The following CPED1 variants were observed in gnomAD, a reference collection of about 807,000 sequenced individuals.
The protein encoded by CPED1 is cadherin like and PC-esterase domain containing 1, also known as cadherin-like and PC-esterase domain-containing protein 1.
CPED1 carries 114 observed loss-of-function variants against 128.2 expected under a neutral mutation model. That is an observed-to-expected ratio of 0.89 (90% confidence interval 0.76 to 1.04). The LOEUF (loss-of-function observed/expected upper bound fraction) is 1.04. CPED1 is among the 50% of genes least tolerant of loss of function. The pLI, the probability that CPED1 is intolerant of heterozygous loss-of-function variation, is 0.00. For synonymous variants in CPED1, 462 were observed against 426.7 expected (o/e 1.08, Z -1.02); for missense variants, 1,211 against 1,207.1 (o/e 1.00, Z -0.05).
intron 4 of CPED1, among the ~76,000 whole-genome samples, chr7:121,062,351 T>TAA (rs144215318): frequency 6.6e-6 from 1 of 152,050 alleles, no homozygotes; most frequent in Non-Finnish European, 1.5e-5. Context: ...TTTGTGAACT[T>TAA]AAAAAACAAA....
chr7:121,024,448 C>A (rs1792518459), intron 3 of CPED1, among the ~76,000 whole-genome samples: 1 of 152,036 alleles, frequency 6.6e-6, no homozygotes, highest in South Asian at 2.1e-4. Context: ...AGATGTTTAC[C>A]AAAGTCCCTA....
Position 121,167,794 on chromosome 7 carries a change from C to T in CPED1, c.2055+25653C>T, listed in dbSNP as rs553237489. On this transcript the variant is annotated intron_variant, in intron 16 of 22. Coordinates refer to ENST00000310396, the MANE Select transcript of CPED1 (RefSeq NM_024913.5). ...TTGCCCAGGCTGGAGTGCAGTGGAGCGATCTCGGCCCACTGCAAGCTCTGC... is the reference window on the plus strand; with the variant it reads ...TTGCCCAGGCTGGAGTGCAGTGGAGTGATCTCGGCCCACTGCAAGCTCTGC... 4.0e-3 allele frequency among the ~76,000 whole-genome samples: 551 copies of T among 138,616 alleles called. 2 individuals are homozygous for T. Among genetic ancestry groups the T allele is most frequent in the Middle Eastern group, 0.029 (6 of 210 alleles). 90.9% of individuals were successfully genotyped at this position (138,616 alleles called of 152,430 possible).
rs1277652310 is a variant in CPED1 at position 121,142,104 on chromosome 7, C to G, written c.2018C>G (p.Pro673Arg). 6.2e-7 allele frequency: 1 copy of G among 1,611,938 alleles called. No individual in the cohort carries two copies. The highest frequency in any genetic ancestry group is 1.1e-5 in the South Asian group (1 of 90,902). Residue 673 changes from proline to arginine, a missense_variant, in exon 16 of 23, where the codon CCC (proline) becomes CGC (arginine). Pro to Arg is a moderately radical substitution (Grantham distance 103). Coordinates refer to ENST00000310396, the MANE Select transcript of CPED1 (RefSeq NM_024913.5). ...TIYREDRPSL[P>R]LFEAFTACGF... is the part of the protein sequence containing the mutation. ...TATAGAGAAGACCGCCCAAGTCTGC[C>G]CTTGTTTGAGGCCTTCACAGCATGT...
chr7:121,219,798 A>G (rs970005644), intron 16 of CPED1, among the ~76,000 whole-genome samples: 1 of 152,066 alleles, frequency 6.6e-6, no homozygotes, highest in African/African-American at 2.4e-5. Flanking sequence ...ATTATTTTTA[A>G]TAAAACTAAA....
chr7:121,159,997 T>C (rs1796378266), intron 16 of CPED1, among the ~76,000 whole-genome samples: 1 of 152,220 alleles, frequency 6.6e-6, no homozygotes, highest in African/African-American at 2.4e-5. Context: ...TTTTTGCATA[T>C]ATAATTTTTA....
At chr7:121,263,698 G>A (rs1319088922) in intron 18 of CPED1, among the ~76,000 whole-genome samples, 6 of 151,924 alleles carry the variant, frequency 3.9e-5, no homozygotes, top group African/African-American at 1.4e-4. Flanking sequence ...GTTTTTCTCA[G>A]TAATATATAA....
At chr7:121,056,941 C>T (rs113375217) in intron 4 of CPED1, among the ~76,000 whole-genome samples, 6,075 of 151,996 alleles carry the variant, frequency 0.04, 222 homozygotes, top group African/African-American at 0.081. Context: ...CCTCTCTTCT[C>T]GTTATTTGAA....
rs35159862 is a variant in CPED1, at chr7:121,044,648, C to CTTTTTTTTTTTTTTTTTTTTTTTTTT, written c.434-2238_434-2237insTTTTTTTTTTTTTTTTTTTTTTTTTT. 8.3e-4 allele frequency among the ~76,000 whole-genome samples: 58 copies of CTTTTTTTTTTTTTTTTTTTTTTTTTT among 69,510 alleles called. 20 individuals are homozygous for CTTTTTTTTTTTTTTTTTTTTTTTTTT. The highest frequency in any genetic ancestry group is 1.6e-3 in the Admixed American group (8 of 4,870). 45.6% of individuals were successfully genotyped at this position (69,510 alleles called of 152,430 possible). Reference sequence around the variant, plus strand: ...GATTGCTGAGAGCAGTGACTTTCTGCTCTTTTTTTTTTTTTTTTTTTGCTA... The same window carrying CTTTTTTTTTTTTTTTTTTTTTTTTTT: ...GATTGCTGAGAGCAGTGACTTTCTGCTTTTTTTTTTTTTTTTTTTTTTTTTTTCTTTTTTTTTTTTTTTTTTTGCTA... On this transcript the variant is annotated intron_variant, in intron 3 of 22. Transcript: ENST00000310396.
chr7:121,243,514 TGTTA>T (rs932395302), intron 17 of CPED1, among the ~76,000 whole-genome samples: 73 of 152,292 alleles, frequency 4.8e-4, no homozygotes, highest in Middle Eastern at 3.4e-3. Flanking sequence ...ACCTGAACTC[TGTTA>T]GTAACAAAAG....
At chr7:121,126,407 A>G (rs943478205) in intron 9 of CPED1, among the ~76,000 whole-genome samples, 11 of 151,978 alleles carry the variant, frequency 7.2e-5, no homozygotes, top group Non-Finnish European at 1.3e-4. Context: ...AATTAAATAT[A>G]CTCATTCATA....
chr7:121,058,362 G>A (rs528100104), intron 4 of CPED1, among the ~76,000 whole-genome samples: 3 of 152,244 alleles, frequency 2.0e-5, no homozygotes, highest in African/African-American at 7.2e-5. Context: ...AATAATGTAG[G>A]TGTGAGATGA....
chr7:121,286,596 T>A (rs1469927119), intron 22 of CPED1, among the ~76,000 whole-genome samples: 1 of 152,162 alleles, frequency 6.6e-6, no homozygotes, highest in East Asian at 1.9e-4. Context: ...CAAATTTGAT[T>A]TTTATAAATC....
At chr7:121,246,017 C>A (rs10282231) in intron 18 of CPED1, among the ~76,000 whole-genome samples, 140,213 of 152,124 alleles carry the variant, frequency 0.92, 65,613 homozygotes, top group East Asian at 1. Flanking sequence ...TAAACCATCA[C>A]CTTGGATAAT....
intron 4 of CPED1, among the ~76,000 whole-genome samples, chr7:121,060,263 G>A (rs1049113014): frequency 6.6e-6 from 1 of 152,246 alleles, no homozygotes; most frequent in Non-Finnish European, 1.5e-5. Flanking sequence ...CCTGATGAGC[G>A]CCGCCCCTTG....
chr7:121,203,546 A>C (rs1428050025), intron 16 of CPED1, among the ~76,000 whole-genome samples: 2 of 152,028 alleles, frequency 1.3e-5, no homozygotes, highest in Non-Finnish European at 2.9e-5. Flanking sequence ...GTGGCTCCCT[A>C]ACTGCCCCTG....
intron 16 of CPED1, among the ~76,000 whole-genome samples, chr7:121,193,096 C>A (rs1280160788): frequency 1.3e-5 from 2 of 152,126 alleles, no homozygotes; most frequent in Non-Finnish European, 2.9e-5. Flanking sequence ...TTTCATTTAT[C>A]ATGTAATAAG....
At chr7:121,122,165 G>C (rs904417754) in intron 7 of CPED1, among the ~76,000 whole-genome samples, 13 of 116,998 alleles carry the variant, frequency 1.1e-4, no homozygotes, top group African/African-American at 4.3e-4. Context: ...TTTTGAGACA[G>C]AGTCTCGCTC....
intron 16 of CPED1, among the ~76,000 whole-genome samples, chr7:121,157,546 C>T (rs1796316277): frequency 5.9e-5 from 9 of 152,112 alleles, no homozygotes; most frequent in Admixed American, 5.9e-4. Flanking sequence ...TCTTGTGTTC[C>T]AATGTCACAC....
chr7:121,164,356 T>A (rs1427459254), intron 16 of CPED1, among the ~76,000 whole-genome samples: 1 of 152,192 alleles, frequency 6.6e-6, no homozygotes, highest in Non-Finnish European at 1.5e-5. Flanking sequence ...AACTGAGGAA[T>A]CCCCTCCCCG....
Sources: gnomAD v4.1 joint callset for allele counts (sites outside exome capture counted in the v4.1 genomes callset) on GRCh38, gnomAD v4.1.1 for gene constraint, MANE v1.5 for transcripts, NCBI Gene and HGNC (gene_info 2026-07-23, HGNC 2026-07-21) for gene names.